Variants in MACF1 observed in about 807,000 individuals in gnomAD.
MACF1 encodes the protein microtubule-actin cross-linking factor 1.
MACF1 carries 193 observed loss-of-function variants against 854.8 expected under a neutral mutation model. The ratio of observed to expected loss-of-function variants is 0.23; its 90% confidence interval spans 0.20 to 0.25. The LOEUF (loss-of-function observed/expected upper bound fraction) is 0.25, where lower values mean the gene tolerates loss of function less well. Among genes scored for constraint, MACF1 ranks in the 10% least tolerant of loss-of-function variants. The pLI is 1.00. For synonymous variants in MACF1, 3,185 were observed against 3,226.7 expected (o/e 0.99, Z 0.44); for missense variants, 7,722 against 8,929.1 (o/e 0.86, Z 5.45).
rs756012268 is a variant in MACF1 at position 39,295,099 on chromosome 1, T to A, written c.2208T>A (p.Asp736Glu). The A allele has an allele frequency of 1.2e-6, 2 of 1,614,132 alleles. No individual in the cohort carries two copies. The highest frequency in any genetic ancestry group is 3.3e-5 in the Admixed American group (2 of 60,018). The change falls in exon 19 of 101, where the codon GAT becomes GAA. Residue 736 changes from aspartate to glutamate, a missense_variant. Asp to Glu is a conservative substitution (Grantham distance 45). Coordinates refer to ENST00000564288, the MANE Select transcript of MACF1 (RefSeq NM_001394062.1). ...AGGATGTGTTTCGTTCTCTACAAGATACAGCAGAACTACTTTCACTTGAGA... is the reference window on the plus strand; with the variant it reads ...AGGATGTGTTTCGTTCTCTACAAGAAACAGCAGAACTACTTTCACTTGAGA... ...EKQDVFRSLQDTAELLSLENH... is the reference protein window; with the variant it reads ...EKQDVFRSLQETAELLSLENH...
At chr1:39,318,028 T>G (rs1571326315) in intron 29 of MACF1, among the ~76,000 whole-genome samples, 1 of 152,214 alleles carries the variant, frequency 6.6e-6, no homozygotes, top group Non-Finnish European at 1.5e-5. Flanking sequence ...ATAATGACTA[T>G]TTTTCACTTC....
At chr1:39,368,023 T>G in intron 49 of MACF1, 125 bp from the exon 50 acceptor site, 1 of 610,516 alleles carries the variant, frequency 1.6e-6, no homozygotes, top group Non-Finnish European at 2.7e-6. Flanking sequence ...AACTTTTCAC[T>G]GAGTTGCATA....
At chr1:39,327,044 A>AC (rs1230067409) in intron 35 of MACF1, among the ~76,000 whole-genome samples, 174 bp from the exon 36 acceptor site, 1 of 152,188 alleles carries the variant, frequency 6.6e-6, no homozygotes, top group Non-Finnish European at 1.5e-5. Flanking sequence ...ATCATCAAGA[A>AC]CCATGACTTG....
At position 39,468,623 on chromosome 1, in the gene MACF1, T is replaced by G. The variant is rs1403366544; in HGVS notation, c.21780T>G (p.Asp7260Glu). 2 of 1,613,882 alleles carry G rather than the reference T, an allele frequency of 1.2e-6. No individual in the cohort carries two copies. Among genetic ancestry groups the G allele is most frequent in the Non-Finnish European group, 1.7e-6 (2 of 1,179,752 alleles). Residue 7260 changes from aspartate (D) to glutamate (E), a missense_variant, in exon 96 of 101, where the codon GAT becomes GAG. Asp to Glu is a conservative substitution (Grantham distance 45, BLOSUM62 2). Around this residue, in one of 15 missense-constraint regions of MACF1, gnomAD observed 153 missense variants for 342.5 expected, o/e 0.45. Coordinates refer to ENST00000564288, the MANE Select transcript of MACF1 (RefSeq NM_001394062.1). ...TTCCTTTGATTCTACAGTTTGGGGA[T>G]TCTCAGCAGTTGCGGCTGGTCCGTA... ...YRFFLGNQFG[D>E]SQQLRLVRIL...
intron 97 of MACF1, among the ~76,000 whole-genome samples, chr1:39,477,698 AAG>A (rs1245608951): frequency 6.6e-6 from 1 of 151,982 alleles, no homozygotes; most frequent in Non-Finnish European, 1.5e-5. Flanking sequence ...TCGGGGGACA[AAG>A]AGGACAACTC....
intron 2 of MACF1, among the ~76,000 whole-genome samples, chr1:39,119,785 T>A (rs1642649366): frequency 6.6e-6 from 1 of 152,174 alleles, no homozygotes; most frequent in Non-Finnish European, 1.5e-5. Context: ...ATGCTTTGTG[T>A]ATACTAAATA....
intron 6 of MACF1, among the ~76,000 whole-genome samples, chr1:39,272,137 T>C (rs1645334192): frequency 2.0e-5 from 3 of 152,154 alleles, no homozygotes; most frequent in Non-Finnish European, 4.4e-5. Context: ...AGGTTTTGTG[T>C]CCATCATGTG....
At chr1:39,138,188 A>C (rs1643231945) in intron 2 of MACF1, among the ~76,000 whole-genome samples, 1 of 152,156 alleles carries the variant, frequency 6.6e-6, no homozygotes, top group African/African-American at 2.4e-5. Flanking sequence ...ATCTTGTTGA[A>C]ATACTTTCTT....
chr1:39,225,285 C>T (rs28667668), intron 1 of MACF1, among the ~76,000 whole-genome samples: 7,746 of 144,280 alleles, frequency 0.054, 277 homozygotes, highest in Admixed American at 0.077. Flanking sequence ...GGCGCAATCT[C>T]GGCTCACTGC....
chr1:39,333,141 G>A lies in MACF1; in HGVS notation c.6553G>A (p.Asp2185Asn). 6.2e-7 allele frequency: 1 copy of A among 1,613,984 alleles called. No homozygotes were observed. Among genetic ancestry groups the A allele is most frequent in the Non-Finnish European group, 8.5e-7 (1 of 1,180,028 alleles). ...CACTCTTGAGACTGAATATATTCAT[G>A]ATGAAACTGGAGGATCTCACATAAA... ...AHTLETEYIH[D>N]ETGGSHIKPQ... Residue 2185 changes from aspartate to asparagine, a missense_variant, in exon 37 of 101, where the codon GAT becomes AAT. This residue lies in a region of MACF1 where 1,531 missense variants were observed against 1,601.6 expected (regional missense o/e 0.96). Coordinates refer to ENST00000564288, the MANE Select transcript of MACF1 (RefSeq NM_001394062.1).
chr1:39,415,144 A>G (rs1643239392), intron 58 of MACF1, among the ~76,000 whole-genome samples: 1 of 152,206 alleles, frequency 6.6e-6, no homozygotes, highest in South Asian at 2.1e-4. Flanking sequence ...AAATGCAAAT[A>G]TGTGTTTCTG....
chr1:39,268,572 G>A (rs898259952), intron 6 of MACF1: 1 of 1,180,276 alleles, frequency 8.5e-7, no homozygotes, highest in African/African-American at 1.6e-5. Context: ...GAAAGAATTG[G>A]AGGGATTGCC....
chr1:39,312,379 C>G (rs12134882), intron 26 of MACF1, among the ~76,000 whole-genome samples: 1 of 152,126 alleles, frequency 6.6e-6, no homozygotes, highest in Non-Finnish European at 1.5e-5. Context: ...TCATTTTATT[C>G]TATATATTAT....
chr1:39,270,062 G>A (rs1645286789), intron 6 of MACF1, among the ~76,000 whole-genome samples: 1 of 152,212 alleles, frequency 6.6e-6, no homozygotes, highest in African/African-American at 2.4e-5. Flanking sequence ...AAGTTGTAAT[G>A]TAGCACAAGA....
At chr1:39,427,174 A>C (rs926818884) in intron 61 of MACF1, among the ~76,000 whole-genome samples, 1 of 152,140 alleles carries the variant, frequency 6.6e-6, no homozygotes, top group Admixed American at 6.5e-5. Flanking sequence ...ATCTTTCTTT[A>C]AGCCTTCTGA....
intron 11 of MACF1, 90 bp downstream of exon 11, chr1:39,284,518 C>T: frequency 1.3e-6 from 1 of 769,258 alleles, no homozygotes; most frequent in Non-Finnish European, 2.0e-6. Context: ...ATTCTTTTCC[C>T]AAACTGCATT....
At chr1:39,474,986 G>A (rs1644850626) in intron 97 of MACF1, among the ~76,000 whole-genome samples, 2 of 152,178 alleles carry the variant, frequency 1.3e-5, no homozygotes, top group Admixed American at 1.3e-4. Flanking sequence ...AAATGTACAA[G>A]GTTAGCGACC....
chr1:39,461,083 CAAA>C (rs1284550970), intron 92 of MACF1, among the ~76,000 whole-genome samples: 2 of 63,442 alleles, frequency 3.2e-5, no homozygotes, highest in African/African-American at 5.3e-5. Context: ...GACTCTGTCT[CAAA>C]AAAAAAAAAA....
chr1:39,399,974 A>G (rs954367673), intron 58 of MACF1, among the ~76,000 whole-genome samples: 13 of 152,342 alleles, frequency 8.5e-5, no homozygotes, highest in African/African-American at 3.1e-4. Flanking sequence ...CTTGAGGTAT[A>G]TATCCTTGTG....
Sources: allele counts gnomAD v4.1 joint callset (sites outside exome capture counted in the v4.1 genomes callset), GRCh38; gene constraint gnomAD v4.1.1; regional missense constraint gnomAD v4.1.1; transcripts MANE v1.5; gene names NCBI Gene and HGNC (gene_info 2026-07-23, HGNC 2026-07-21).